Variants in MCM9 observed in about 807,000 individuals in gnomAD.
MCM9 encodes minichromosome maintenance 9 homologous recombination repair factor.
MCM9 carries 55 observed loss-of-function variants against 72.8 expected under a neutral mutation model. That is an observed-to-expected ratio of 0.76 (90% confidence interval 0.61 to 0.95). The LOEUF (loss-of-function observed/expected upper bound fraction) is 0.95. MCM9 is among the 40% of genes least tolerant of loss of function. MCM9 has a pLI of 0.00. For synonymous variants in MCM9, 480 were observed against 503.4 expected, an observed-to-expected ratio of 0.95 and a Z score of 0.62; for missense variants, 1,279 against 1,377.0, an observed-to-expected ratio of 0.93 and a Z score of 1.13.
At chr6:118,912,564 C>T (rs978938019) in intron 7 of MCM9, 4 of 152,130 alleles carry the variant, frequency 2.6e-5, no homozygotes. Context: ...AGTAGGTGAT[C>T]AAAACATATA....
rs530619646 is a variant in MCM9 at position 118,893,758 on chromosome 6, C to G, written c.1150+17892G>C. 7.9e-5 allele frequency among the ~76,000 whole-genome samples: 12 copies of G among 152,196 alleles called. 1 individual carries two copies. Among genetic ancestry groups the G allele is most frequent in the African/African-American group, 2.9e-4 (12 of 41,540 alleles). On this transcript the variant is annotated intron_variant, in intron 8 of 13. Coordinates refer to ENST00000619706, the MANE Select transcript of MCM9 (RefSeq NM_017696.3). ...AAAGCTGAACCTAACCCAGTGTAAA[C>G]ACCGACTCTCATCTGCTAAATTCAG...
At chr6:118,819,526 ATTT>A (rs1405274607) in intron 13 of MCM9, among the ~76,000 whole-genome samples, 1 of 152,176 alleles carries the variant, frequency 6.6e-6, no homozygotes, top group African/African-American at 2.4e-5. Context: ...GTTTGCCAGT[ATTT>A]TATTGAGGAT....
Position 118,923,901 on chromosome 6 carries a change from G to A in MCM9, c.531C>T (p.Ser177=). ...GGCAAGTGAATTTAGAGGAATCACAGCTCTCCAAGCTGGGACACGAGGATG... is the reference window on the plus strand; with the variant it reads ...GGCAAGTGAATTTAGAGGAATCACAACTCTCCAAGCTGGGACACGAGGATG... ...CRPSSCPSLE[S]CDSSKFTCLS... The change falls in exon 4 of 14, where the codon AGC becomes AGT. Residue 177 remains serine (S), a synonymous_variant. Coordinates refer to ENST00000619706, the MANE Select transcript of MCM9 (RefSeq NM_017696.3). 1 of 1,614,218 alleles carries A rather than the reference G, an allele frequency of 6.2e-7. No individual in the cohort carries two copies. The highest frequency in any genetic ancestry group is 8.5e-7 in the Non-Finnish European group (1 of 1,180,028).
chr6:118,833,161 C>T lies in MCM9; in HGVS notation c.1326-3911G>A, dbSNP rs565944392. Among the ~76,000 whole-genome samples, 7 of 152,244 alleles carry T rather than the reference C, an allele frequency of 4.6e-5. No homozygotes were observed. The South Asian group carries it at 1.5e-3, about 32-fold the overall frequency. On this transcript the variant is annotated intron_variant, in intron 9 of 13. Transcript: ENST00000619706. ...CATTGTCGGAGCAGAGCACACCACC[C>T]TCAATCCACATCAGACTGACACGAA...
chr6:118,844,861 C>CTTTAGTATATTTCTTA (rs1775748834), intron 9 of MCM9, among the ~76,000 whole-genome samples: 1 of 151,832 alleles, frequency 6.6e-6, no homozygotes, highest in Non-Finnish European at 1.5e-5. Context: ...ATCACCTGTT[C>CTTTAGTATATTTCTTA]TTTAGTATAT....
chr6:118,922,429 G>A (rs116707079), intron 4 of MCM9, among the ~76,000 whole-genome samples: 1,586 of 152,116 alleles, frequency 0.01, 30 homozygotes, highest in African/African-American at 0.036. Flanking sequence ...AAAAGACCTG[G>A]GACAAATCAC....
intron 8 of MCM9, among the ~76,000 whole-genome samples, chr6:118,863,085 A>G (rs1777001658): frequency 6.6e-6 from 1 of 152,172 alleles, no homozygotes; most frequent in African/African-American, 2.4e-5. Context: ...AAAGATAAAA[A>G]CTTTTATTTT....
chr6:118,872,595 G>A (rs549667964), intron 8 of MCM9, among the ~76,000 whole-genome samples: 74 of 151,916 alleles, frequency 4.9e-4, no homozygotes, highest in African/African-American at 1.8e-3. Context: ...CTATACTCCA[G>A]CCTGAACAAT....
chr6:118,893,364 C>G (rs969467296), intron 8 of MCM9, among the ~76,000 whole-genome samples: 1 of 152,204 alleles, frequency 6.6e-6, no homozygotes, highest in African/African-American at 2.4e-5. Context: ...TCTCCTAACA[C>G]TTCCATTTTC....
chr6:118,917,813 C>G lies in MCM9; in HGVS notation c.704-52G>C, dbSNP rs1244132793. 7 of 1,488,822 alleles carry G rather than the reference C, an allele frequency of 4.7e-6. No homozygotes were observed. In the South Asian group the frequency reaches 7.9e-5, roughly 17 times the overall value. 92.2% of individuals were successfully genotyped at this position (1,488,822 alleles called of 1,614,324 possible). A position where few individuals can be genotyped will look rare whatever the true frequency, so the allele number is the denominator to read the frequency against. On this transcript the variant is annotated intron_variant, in intron 5 of 13. Coordinates refer to ENST00000619706, the MANE Select transcript of MCM9 (RefSeq NM_017696.3). Reference sequence around the variant, plus strand: ...GCAGTAGCATCCTGCATGCTGAGCACAGACTCAAAATGACAAAGGACCAGA... The same window carrying G: ...GCAGTAGCATCCTGCATGCTGAGCAGAGACTCAAAATGACAAAGGACCAGA...
At chr6:118,878,990 A>G (rs942884340) in intron 8 of MCM9, among the ~76,000 whole-genome samples, 1 of 152,126 alleles carries the variant, frequency 6.6e-6, no homozygotes, top group African/African-American at 2.4e-5. Context: ...CAAGAGGTGG[A>G]GGCTGCAGTG....
At position 118,896,871 on chromosome 6, in the gene MCM9, GC is replaced by G. The variant is rs1201626663; in HGVS notation, c.1150+14778del. On this transcript the variant is annotated intron_variant, in intron 8 of 13. Transcript: ENST00000619706. Reference sequence around the variant, plus strand: ...TTTTAAATGAGACAGTGTTGCTCTGGCACTCAGGCTGGATGGAGTACAGTGG... The same window carrying G: ...TTTTAAATGAGACAGTGTTGCTCTGGACTCAGGCTGGATGGAGTACAGTGG... 9.9e-5 allele frequency among the ~76,000 whole-genome samples: 15 copies of G among 151,676 alleles called. 1 individual carries two copies. In the East Asian group the frequency reaches 2.9e-3, roughly 29 times the overall value.
At position 118,816,260 on chromosome 6, in the gene MCM9, G is replaced by A. The variant is rs75607191; in HGVS notation, c.1996C>T (p.Arg666Trp). Residue 666 changes from arginine to tryptophan, a missense_variant, in exon 14 of 14, where the codon CGG becomes TGG. Physicochemically the swap from Arg to Trp is moderately radical, Grantham distance 101 (BLOSUM62 -3). Transcript: ENST00000619706. ...GGAGTAGTCTCTACCTCCAATACCCGTGGTTGGGATTGGTGCACACTCTGA... is the reference window on the plus strand; with the variant it reads ...GGAGTAGTCTCTACCTCCAATACCCATGGTTGGGATTGGTGCACACTCTGA... ...QNQSVHQSQP[R>W]VLEVETTPGS... 12,098 of 1,548,404 alleles carry A rather than the reference G, an allele frequency of 7.8e-3. 65 individuals carry two copies. Among genetic ancestry groups the A allele is most frequent in the Non-Finnish European group, 9.3e-3 (10,599 of 1,145,732 alleles).
chr6:118,892,193 C>CA (rs1440260645), intron 8 of MCM9, among the ~76,000 whole-genome samples: 2 of 152,294 alleles, frequency 1.3e-5, no homozygotes, highest in Non-Finnish European at 2.9e-5. Context: ...TTCTGACAAG[C>CA]AATAATACAA....
At chr6:118,906,117 G>A (rs1780161656) in intron 8 of MCM9, among the ~76,000 whole-genome samples, 1 of 152,268 alleles carries the variant, frequency 6.6e-6, no homozygotes, top group African/African-American at 2.4e-5. Context: ...CTGTTGCTCA[G>A]GCTGGAGCGC....
intron 9 of MCM9, among the ~76,000 whole-genome samples, chr6:118,843,680 ATATATGTG>A (rs1320286696): frequency 1.3e-4 from 11 of 81,706 alleles, no homozygotes; most frequent in Middle Eastern, 5.2e-3. Context: ...GTATGTATAT[ATATATGTG>A]TATATATATA....
At position 118,923,263 on chromosome 6, in the gene MCM9, A is replaced by G. The variant is rs567068979; in HGVS notation, c.621+548T>C. Among the ~76,000 whole-genome samples, 19 of 151,342 alleles carry G rather than the reference A, an allele frequency of 1.3e-4. No homozygotes were observed. The South Asian group carries it at 4.0e-3, about 32-fold the overall frequency. ...GCAAATAAGAGTGGGTCCAAACTCC[A>G]TATCTTGTTCACTCCAATGTGATTT... On this transcript the variant is annotated intron_variant, in intron 4 of 13. Transcript: ENST00000619706.
At chr6:118,915,790 T>C (rs1168818010) in intron 6 of MCM9, among the ~76,000 whole-genome samples, 1 of 152,230 alleles carries the variant, frequency 6.6e-6, no homozygotes, top group Admixed American at 6.5e-5. Context: ...CTTATTTTCT[T>C]GCTATCTTCC....
At chr6:118,816,437 G>C in intron 13 of MCM9, 143 bp from the exon 14 acceptor site, 1 of 586,248 alleles carries the variant, frequency 1.7e-6, no homozygotes, top group Non-Finnish European at 2.7e-6. Flanking sequence ...CAACCTCCTA[G>C]AGCAGCAGAA....
Sources: allele counts gnomAD v4.1 joint callset (sites outside exome capture counted in the v4.1 genomes callset), GRCh38; gene constraint gnomAD v4.1.1; transcripts MANE v1.5; gene names NCBI Gene and HGNC (gene_info 2026-07-23, HGNC 2026-07-21).